The following WDR4 variants were observed in gnomAD, a reference collection of about 807,000 sequenced individuals.
WDR4 encodes tRNA (guanine-N(7)-)-methyltransferase non-catalytic subunit WDR4.
A neutral mutation model predicts 48.6 loss-of-function variants in WDR4; 47 were observed. That is an observed-to-expected ratio of 0.97 (90% CI 0.77 to 1.23). The LOEUF (loss-of-function observed/expected upper bound fraction) is 1.23, where lower values mean the gene tolerates loss of function less well. Among genes scored for constraint, WDR4 ranks in the 50% most tolerant of loss-of-function variants. The pLI is 0.00. For missense variants in WDR4, 606 were observed against 551.6 expected, an observed-to-expected ratio of 1.10 and a Z score of -0.99; for synonymous variants, 268 against 230.0, an observed-to-expected ratio of 1.17 and a Z score of -1.49.
upstream of WDR4, chr21:42,879,600 C>A: frequency 1.4e-6 from 2 of 1,383,892 alleles, no homozygotes; most frequent in Non-Finnish European, 2.0e-6. Flanking sequence ...GACGTATACC[C>A]CACGTACCGC....
chr21:42,847,980 C>T (rs1222820063), downstream of WDR4, among the ~76,000 whole-genome samples: 2 of 152,214 alleles, frequency 1.3e-5, no homozygotes, highest in African/African-American at 4.8e-5. Context: ...AGGACAGTGG[C>T]CCAGCATGGC....
chr21:42,872,004 G>A (rs2058378319), intron 3 of WDR4, among the ~76,000 whole-genome samples: 4 of 150,660 alleles, frequency 2.7e-5, no homozygotes, highest in African/African-American at 7.3e-5. Context: ...TTTTTTTTGA[G>A]ACGGGGTTTT....
At chr21:42,849,092 CCTCA>C (rs140195355), downstream of WDR4, 42,321 of 96,094 alleles carry the variant, frequency 0.44, 9,027 homozygotes, top group East Asian at 0.65. Context: ...ACACCACGCA[CCTCA>C]CACACACACA....
chr21:42,883,183 G>A (rs1030094280), upstream of WDR4, among the ~76,000 whole-genome samples: 15 of 149,714 alleles, frequency 1.0e-4, no homozygotes, highest in African/African-American at 3.4e-4. Flanking sequence ...GCTGAGGTAC[G>A]AGAATCACTT....
chr21:42,847,975 A>T (rs569940117), downstream of WDR4, among the ~76,000 whole-genome samples: 1 of 152,246 alleles, frequency 6.6e-6, no homozygotes, highest in South Asian at 2.1e-4. Context: ...TGTACAGGAC[A>T]GTGGCCCAGC....
At chr21:42,882,614 G>T (rs1363762471), upstream of WDR4, among the ~76,000 whole-genome samples, 4 of 151,958 alleles carry the variant, frequency 2.6e-5, no homozygotes, top group African/African-American at 4.8e-5. Flanking sequence ...TTCTAGTCCT[G>T]TCCTGAGCAA....
Position 42,854,624 on chromosome 21 carries a change from C to T in WDR4, c.729G>A (p.Lys243=). Residue 243 remains lysine, a splice_region_variant and synonymous_variant, in exon 8 of 11, where the codon AAG becomes AAA. Coordinates refer to ENST00000398208, the MANE Select transcript of WDR4 (RefSeq NM_018669.6). ...QELVDPQAPQ[K]FAASRIAFWC... is the part of the protein sequence containing the mutation. ...AGAATGCAATCCTGGACGCGGCAAA[C>T]TTCTAAAAGGAGAAGAAGCCCATTA... is the stretch of plus-strand genomic sequence containing the variant. The T allele has an allele frequency of 6.2e-7, 1 of 1,613,558 alleles. No individual in the cohort carries two copies. Among genetic ancestry groups the T allele is most frequent in the Non-Finnish European group, 8.5e-7 (1 of 1,179,834 alleles).
chr21:42,892,274 A>C, the WDR4 span, among the ~76,000 whole-genome samples: 1 of 94,408 alleles, frequency 1.1e-5, no homozygotes, highest in Non-Finnish European at 2.3e-5. Flanking sequence ...AAAAAATTTA[A>C]ACAAAAAAAA....
Position 42,876,555 on chromosome 21 carries a change from ATG to A in WDR4, c.155+145_155+146del, listed in dbSNP as rs969721152. 5.9e-6 allele frequency: 4 copies of A among 679,834 alleles called. No homozygotes were observed. The Admixed American group carries it at 9.5e-5, about 16-fold the overall frequency. 42.1% of individuals were successfully genotyped at this position (679,834 alleles called of 1,614,324 possible). A position where few individuals can be genotyped will look rare whatever the true frequency, so the allele number is the denominator to read the frequency against. On this transcript the variant is annotated intron_variant, in intron 2 of 10. Transcript: ENST00000398208. ...TGCCTAACCTAAAAGTTACTTTTACATGTCTCTCCTGAGGTGCTACTTATCTG... is the reference window on the plus strand; with the variant it reads ...TGCCTAACCTAAAAGTTACTTTTACATCTCTCCTGAGGTGCTACTTATCTG...
chr21:42,892,147 G>A, the WDR4 span, among the ~76,000 whole-genome samples: 1 of 149,428 alleles, frequency 6.7e-6, no homozygotes, highest in Non-Finnish European at 1.5e-5. Context: ...CCAGCTACTC[G>A]GGAGGCTGAG....
intron 1 of WDR4, among the ~76,000 whole-genome samples, chr21:42,877,544 AGTT>A (rs1362428807): frequency 6.6e-6 from 1 of 152,102 alleles, no homozygotes; most frequent in Admixed American, 6.6e-5. Flanking sequence ...TTAAATTAAA[AGTT>A]GTATACTTGA....
At chr21:42,870,474 C>G (rs1169782400) in intron 3 of WDR4, among the ~76,000 whole-genome samples, 1 of 152,112 alleles carries the variant, frequency 6.6e-6, no homozygotes, top group Non-Finnish European at 1.5e-5. Context: ...CAAAGCTCAG[C>G]CAGGGCCTTT....
chr21:42,854,014 GCAGGC>G (rs2057915758), intron 8 of WDR4, among the ~76,000 whole-genome samples: 1 of 152,186 alleles, frequency 6.6e-6, no homozygotes, highest in South Asian at 2.1e-4. Context: ...GCAGGAGGAC[GCAGGC>G]CCTGGGCTCA....
At chr21:42,857,653 C>T (rs1259815849) in intron 6 of WDR4, among the ~76,000 whole-genome samples, 1 of 152,140 alleles carries the variant, frequency 6.6e-6, no homozygotes, top group East Asian at 1.9e-4. Flanking sequence ...AAAGAACGTG[C>T]CGAGGGCAAG....
intron 6 of WDR4, 53 bp downstream of exon 6, chr21:42,859,609 C>T (rs2058069743): frequency 4.1e-6 from 3 of 739,430 alleles, no homozygotes; most frequent in East Asian, 3.7e-5. Flanking sequence ...CCACCCCACC[C>T]TCCCTGCAGG....
At chr21:42,881,619 G>A (rs925422000), upstream of WDR4, among the ~76,000 whole-genome samples, 5 of 151,900 alleles carry the variant, frequency 3.3e-5, no homozygotes, top group African/African-American at 7.3e-5. Flanking sequence ...TCCACCTCCC[G>A]TAGTTTTCCT....
At chr21:42,851,458 C>A (rs1238659640) in intron 10 of WDR4, among the ~76,000 whole-genome samples, 1 of 152,190 alleles carries the variant, frequency 6.6e-6, no homozygotes, top group Non-Finnish European at 1.5e-5. Context: ...CAGTGTGAAT[C>A]CCTCCAGAGC....
intron 10 of WDR4, among the ~76,000 whole-genome samples, chr21:42,851,384 G>A (rs1602690717): frequency 6.6e-6 from 1 of 152,226 alleles, no homozygotes; most frequent in African/African-American, 2.4e-5. Context: ...GAGCCAGCGT[G>A]CCGCCACTCG....
chr21:42,854,265 A>T (rs1464152261), intron 8 of WDR4, among the ~76,000 whole-genome samples: 2 of 152,246 alleles, frequency 1.3e-5, no homozygotes, highest in Non-Finnish European at 2.9e-5. Flanking sequence ...GAGTGAGGTG[A>T]TGCCACCACG....
Sources: gnomAD v4.1 joint callset for allele counts (sites outside exome capture counted in the v4.1 genomes callset) on GRCh38, gnomAD v4.1.1 for gene constraint, MANE v1.5 for transcripts, NCBI Gene and HGNC (gene_info 2026-07-23, HGNC 2026-07-21) for gene names.